The following EPB41 variants were observed in gnomAD, a reference collection of about 807,000 sequenced individuals.
The protein encoded by EPB41 is erythrocyte membrane protein band 4.1.
Under a neutral mutation model 108.0 loss-of-function variants are expected in EPB41, and 65 were observed. The observed-to-expected ratio is 0.60, with a 90% CI of 0.49 to 0.74. The LOEUF is 0.74. Among genes scored for constraint, EPB41 ranks in the 30% least tolerant of loss-of-function variants. The pLI is 0.00. For missense variants in EPB41, 875 were observed against 1,037.0 expected (o/e 0.84, Z 2.15); for synonymous variants, 336 against 358.9 (o/e 0.94, Z 0.72).
chr1:29,104,128 G>A (rs1466777380), intron 17 of EPB41, among the ~76,000 whole-genome samples: 2 of 152,152 alleles, frequency 1.3e-5, no homozygotes, highest in African/African-American at 4.8e-5. Context: ...TTTGTAAAAT[G>A]TGGCTAATAG....
intron 11 of EPB41, among the ~76,000 whole-genome samples, chr1:29,047,253 C>CTTTTTT (rs755248112): frequency 4.0e-5 from 4 of 100,532 alleles, no homozygotes; most frequent in African/African-American, 2.0e-4. Context: ...TCTTTCTTTC[C>CTTTTTT]TTTTTTTTTT....
Position 28,993,404 on chromosome 1 carries a change from A to C in EPB41, c.543A>C (p.Lys181Asn). ...KEGEGLEECS[K>N]IEVKEESPQS... is the part of the protein sequence containing the mutation. Reference sequence around the variant, plus strand: ...GAGAAGGACTTGAAGAGTGCTCCAAAATAGAAGTAAAAGAAGAAAGCCCTC... The same window carrying C: ...GAGAAGGACTTGAAGAGTGCTCCAACATAGAAGTAAAAGAAGAAAGCCCTC... Residue 181 changes from lysine (K) to asparagine (N), a missense_variant, in exon 3 of 21, where the codon AAA (lysine) becomes AAC (asparagine). Around this residue, in one of 3 missense-constraint regions of EPB41, gnomAD observed 353 missense variants for 393.2 expected, o/e 0.90. Transcript: ENST00000343067. 6.2e-7 allele frequency: 1 copy of C among 1,613,850 alleles called. No homozygotes were observed. Among genetic ancestry groups the C allele is most frequent in the East Asian group, 2.2e-5 (1 of 44,876 alleles).
chr1:28,926,844 T>C (rs952797211), intron 1 of EPB41, among the ~76,000 whole-genome samples: 1 of 152,250 alleles, frequency 6.6e-6, no homozygotes, highest in Non-Finnish European at 1.5e-5. Context: ...GTCTGTCTAA[T>C]GCTTATTATA....
intron 2 of EPB41, among the ~76,000 whole-genome samples, chr1:28,990,231 CA>C (rs529982149): frequency 0.16 from 14,005 of 85,632 alleles, 955 homozygotes; most frequent in African/African-American, 0.27. Flanking sequence ...GATTCCATCT[CA>C]AAAAAAAAAA....
At chr1:28,921,975 G>T (rs1349807606) in intron 1 of EPB41, among the ~76,000 whole-genome samples, 376 of 101,306 alleles carry the variant, frequency 3.7e-3, no homozygotes, top group African/African-American at 6.4e-3. Flanking sequence ...CTTTTTTTTT[G>T]TTTTTTTTTT....
At chr1:28,934,822 G>C (rs760280569) in intron 1 of EPB41, among the ~76,000 whole-genome samples, 1 of 151,892 alleles carries the variant, frequency 6.6e-6, no homozygotes, top group Non-Finnish European at 1.5e-5. Context: ...CCTTTTATTG[G>C]ATAATGGCAT....
At chr1:29,014,489 G>A (rs192357195) in intron 5 of EPB41, among the ~76,000 whole-genome samples, 245 of 151,956 alleles carry the variant, frequency 1.6e-3, no homozygotes, top group African/African-American at 5.2e-3. Context: ...TGCAGTTTTC[G>A]TTCCTGGAAG....
In EPB41 at chr1:28,994,633, T is replaced by TTTTATTTATTTATTTA. The variant is rs71586878; in HGVS notation, c.681+1119_681+1134dup. ...ATTCACATATATGTGGAACAAACTA[T>TTTTATTTATTTATTTA]TTTATTTATTTATTTATTTATTTAT... is the stretch of plus-strand genomic sequence containing the variant. On this transcript the variant is annotated intron_variant, in intron 3 of 20. Transcript: ENST00000343067. 2.2e-3 allele frequency among the ~76,000 whole-genome samples: 313 copies of TTTTATTTATTTATTTA among 139,848 alleles called. 1 individual carries two copies. Among genetic ancestry groups the TTTTATTTATTTATTTA allele is most frequent in the South Asian group, 3.1e-3 (13 of 4,252 alleles). 91.7% of individuals were successfully genotyped at this position (139,848 alleles called of 152,430 possible).
At position 29,058,876 on chromosome 1, in the gene EPB41, A is replaced by T. The variant is rs371210788; in HGVS notation, c.1944+24A>T. 44 of 1,543,956 alleles carry T rather than the reference A, an allele frequency of 2.8e-5. No individual in the cohort carries two copies. The African/African-American group carries it at 5.6e-4, about 20-fold the overall frequency. On this transcript the variant is annotated intron_variant, in intron 14 of 20. Coordinates refer to ENST00000343067, the MANE Select transcript of EPB41 (RefSeq NM_001376013.1). ...AGGTTAGCCATTTTTCACTTTCACA[A>T]AACTACATTGCCATTTCACCCATGC... is the stretch of plus-strand genomic sequence containing the variant.
intron 10 of EPB41, among the ~76,000 whole-genome samples, chr1:29,037,915 T>C (rs953121061): frequency 2.7e-5 from 4 of 148,300 alleles, no homozygotes; most frequent in Admixed American, 2.0e-4. Flanking sequence ...CTTGTACTTA[T>C]CACCCAGCTT....
rs1198856251 is a variant in EPB41 at position 29,062,939 on chromosome 1, A to G, written c.2008-2043A>G. 2.6e-5 allele frequency among the ~76,000 whole-genome samples: 4 copies of G among 152,298 alleles called. No individual in the cohort carries two copies. The East Asian group carries it at 7.7e-4, about 29-fold the overall frequency. On this transcript the variant is annotated intron_variant, in intron 15 of 20. Coordinates refer to ENST00000343067, the MANE Select transcript of EPB41 (RefSeq NM_001376013.1). ...GTTTTACCAAAACATTTATTTTCCC[A>G]GGTTCCAAGCCAATCCGAAGCTAGG...
intron 7 of EPB41, among the ~76,000 whole-genome samples, chr1:29,027,261 A>T (rs1296092305): frequency 6.6e-6 from 1 of 152,106 alleles, no homozygotes; most frequent in South Asian, 2.1e-4. Context: ...CAGCCTCCCA[A>T]GTAGCTGTGA....
intron 1 of EPB41, among the ~76,000 whole-genome samples, chr1:28,952,412 G>T (rs1176689773): frequency 1.3e-5 from 2 of 152,088 alleles, no homozygotes; most frequent in African/African-American, 4.8e-5. Context: ...TTTAATCCCA[G>T]CTACTCAGGA....
At chr1:28,897,088 G>A (rs2090748443) in intron 1 of EPB41, among the ~76,000 whole-genome samples, 1 of 152,196 alleles carries the variant, frequency 6.6e-6, no homozygotes, top group African/African-American at 2.4e-5. Flanking sequence ...GGCAAGGCCT[G>A]TGGCCACCAG....
At position 29,015,694 on chromosome 1, in the gene EPB41, G is replaced by T; in HGVS notation, c.832G>T (p.Val278Phe). The T allele has an allele frequency of 2.5e-6, 4 of 1,600,516 alleles. No homozygotes were observed. The highest frequency in any genetic ancestry group is 3.4e-6 in the Non-Finnish European group (4 of 1,168,280). Residue 278 changes from valine (V) to phenylalanine (F), a missense_variant and splice_region_variant, in exon 6 of 21, where the codon GTC (valine) becomes TTC (phenylalanine). Val to Phe is a conservative substitution (Grantham distance 50). Transcript: ENST00000343067. ...AKEIKKQVRG[V>F]PWNFTFNVKF... ...TTCTTTTGTGTTTATTTTTATAGGT[G>T]TCCCTTGGAATTTTACATTTAATGT...
intron 16 of EPB41, chr1:29,096,344 A>T: frequency 5.1e-6 from 5 of 985,868 alleles, no homozygotes; most frequent in Non-Finnish European, 6.0e-6. Flanking sequence ...GACAGAAGAG[A>T]AGGAGGAGGG....
At chr1:29,032,270 A>G (rs2096800130) in intron 8 of EPB41, among the ~76,000 whole-genome samples, 1 of 152,162 alleles carries the variant, frequency 6.6e-6, no homozygotes, top group South Asian at 2.1e-4. Flanking sequence ...AGCTGGTGTC[A>G]ATTCAGGTAT....
chr1:29,017,952 A>G (rs570027494), intron 6 of EPB41, among the ~76,000 whole-genome samples: 1 of 152,324 alleles, frequency 6.6e-6, no homozygotes, highest in East Asian at 1.9e-4. Flanking sequence ...TCCTCTTTCT[A>G]AATGTGTCCA....
intron 19 of EPB41, among the ~76,000 whole-genome samples, chr1:29,114,387 A>G (rs540926390): frequency 3.2e-4 from 48 of 152,334 alleles, no homozygotes; most frequent in Admixed American, 1.7e-3. Context: ...TCACGCCTAT[A>G]ATCCCAGTAC....
Sources: allele counts gnomAD v4.1 joint callset (sites outside exome capture counted in the v4.1 genomes callset), GRCh38; gene constraint gnomAD v4.1.1; regional missense constraint gnomAD v4.1.1; transcripts MANE v1.5; gene names NCBI Gene and HGNC (gene_info 2026-07-23, HGNC 2026-07-21).